KANK1: variants seen among roughly 807,000 people sequenced by gnomAD.
The protein encoded by KANK1 is KN motif and ankyrin repeat domains 1, also known as KN motif and ankyrin repeat domain-containing protein 1.
Under a neutral mutation model 106.2 loss-of-function variants are expected in KANK1, and 109 were observed. The observed-to-expected ratio is 1.03, with a 90% CI of 0.88 to 1.20. The LOEUF (loss-of-function observed/expected upper bound fraction) is 1.20. KANK1 is among the 50% of genes most tolerant of loss of function. KANK1 has a pLI of 0.00. For synonymous variants in KANK1, 873 were observed against 652.2 expected, an observed-to-expected ratio of 1.34 and a Z score of -5.16; for missense variants, 2,399 against 1,710.7, an observed-to-expected ratio of 1.40 and a Z score of -7.10.
intron 1 of KANK1, among the ~76,000 whole-genome samples, chr9:629,776 AGAG>A (rs1835231824): frequency 6.6e-6 from 1 of 152,198 alleles, no homozygotes; most frequent in Non-Finnish European, 1.5e-5. Flanking sequence ...AACAAAGTAG[AGAG>A]GAGAATTAGA....
intron 1 of KANK1, among the ~76,000 whole-genome samples, chr9:577,229 C>T (rs1587965608): frequency 3.3e-5 from 5 of 152,312 alleles, no homozygotes; most frequent in South Asian, 2.1e-4. Flanking sequence ...TATTTGGCCC[C>T]GCCCACGTCC....
intron 1 of KANK1, among the ~76,000 whole-genome samples, chr9:652,989 C>T (rs1030058074): frequency 1.3e-5 from 2 of 152,184 alleles, no homozygotes; most frequent in Non-Finnish European, 2.9e-5. Context: ...CTGAATAGTC[C>T]TCACTGTGCC....
chr9:636,527 G>A (rs1414253563), intron 1 of KANK1, among the ~76,000 whole-genome samples: 3 of 152,108 alleles, frequency 2.0e-5, no homozygotes, highest in Non-Finnish European at 4.4e-5. Context: ...AGTCCGAAAC[G>A]TTGTCCACTT....
At chr9:548,859 G>C (rs2061097349) in intron 1 of KANK1, among the ~76,000 whole-genome samples, 1 of 152,074 alleles carries the variant, frequency 6.6e-6, no homozygotes, top group Non-Finnish European at 1.5e-5. Flanking sequence ...TGGGAGGATT[G>C]CTTGAGTCCA....
upstream of KANK1, among the ~76,000 whole-genome samples, chr9:502,998 CTGATT>C: frequency 7.7e-6 from 1 of 129,612 alleles, no homozygotes; most frequent in South Asian, 2.5e-4. Context: ...TCGCGCCCAG[CTGATT>C]TTTTTTTTTT....
intron 3 of KANK1, among the ~76,000 whole-genome samples, chr9:724,340 T>C (rs1830128748): frequency 6.6e-6 from 1 of 152,204 alleles, no homozygotes; most frequent in Admixed American, 6.5e-5. Flanking sequence ...TTCTAATCAT[T>C]GTTGAAGCTA....
intron 1 of KANK1, among the ~76,000 whole-genome samples, chr9:517,841 T>C (rs1928416): frequency 0.27 from 40,216 of 149,560 alleles, 10,348 homozygotes; most frequent in African/African-American, 0.67. Flanking sequence ...CAGGTTCAAG[T>C]AGTTCTCCCG....
intron 1 of KANK1, among the ~76,000 whole-genome samples, chr9:591,346 C>A (rs912901717): frequency 6.6e-6 from 1 of 151,686 alleles, no homozygotes; most frequent in Non-Finnish European, 1.5e-5. Flanking sequence ...ATTTGTTGCC[C>A]ATTGTCAGTT....
At chr9:710,744 T>G (rs190657503) in intron 2 of KANK1, 60 bp from the exon 3 acceptor site, 5 of 1,464,048 alleles carry the variant, frequency 3.4e-6, no homozygotes, top group South Asian at 2.8e-5. Context: ...AACACAAATA[T>G]TAGTTTTTAC....
intron 1 of KANK1, among the ~76,000 whole-genome samples, chr9:562,421 AC>A (rs912255941): frequency 6.6e-6 from 1 of 152,222 alleles, no homozygotes; most frequent in African/African-American, 2.4e-5. Flanking sequence ...ATGGGAACGG[AC>A]AAAAAGCTGC....
chr9:516,552 G>A (rs1377971421), intron 1 of KANK1, among the ~76,000 whole-genome samples: 1 of 151,626 alleles, frequency 6.6e-6, no homozygotes, highest in Admixed American at 6.6e-5. Flanking sequence ...TCAGTGGGGA[G>A]GGAAGGGGAG....
chr9:542,543 G>C (rs7043674), intron 1 of KANK1, among the ~76,000 whole-genome samples: 72,175 of 152,020 alleles, frequency 0.47, 19,781 homozygotes, highest in East Asian at 0.79. Context: ...ATATGATCCA[G>C]CAATCCTACT....
chr9:511,549 AAACCAACTCT>A (rs1258797084), intron 1 of KANK1, among the ~76,000 whole-genome samples: 106 of 148,720 alleles, frequency 7.1e-4, no homozygotes, highest in African/African-American at 2.7e-3. Context: ...GAATGAGTTA[AAACCAACTCT>A]GTTGGTTGAG....
chr9:539,140 C>T (rs746089785), intron 1 of KANK1, among the ~76,000 whole-genome samples: 1 of 152,194 alleles, frequency 6.6e-6, no homozygotes, highest in African/African-American at 2.4e-5. Context: ...CTCGGCCTCC[C>T]TAAGTGCTGG....
intron 2 of KANK1, among the ~76,000 whole-genome samples, chr9:685,166 G>A (rs992158650): frequency 2.0e-5 from 3 of 152,160 alleles, no homozygotes; most frequent in Non-Finnish European, 4.4e-5. Flanking sequence ...TTCTGCTTTT[G>A]AGCTGCAGTT....
At chr9:656,267 G>A (rs1459738914) in intron 1 of KANK1, among the ~76,000 whole-genome samples, 1 of 152,200 alleles carries the variant, frequency 6.6e-6, no homozygotes, top group African/African-American at 2.4e-5. Context: ...TTCAGAAGGA[G>A]AGAGGGAGAG....
intron 2 of KANK1, among the ~76,000 whole-genome samples, chr9:687,476 T>C (rs1026260913): frequency 6.6e-6 from 1 of 152,210 alleles, no homozygotes; most frequent in Non-Finnish European, 1.5e-5. Context: ...TCAGTTCTTG[T>C]GTCTGTAAAA....
chr9:583,505 G>A (rs1011507496), intron 1 of KANK1, among the ~76,000 whole-genome samples: 2 of 151,982 alleles, frequency 1.3e-5, no homozygotes, highest in African/African-American at 4.8e-5. Flanking sequence ...GAAACGAATT[G>A]TAATACACAT....
chr9:628,525 G>T (rs1485557161), intron 1 of KANK1, among the ~76,000 whole-genome samples: 1 of 152,128 alleles, frequency 6.6e-6, no homozygotes, highest in African/African-American at 2.4e-5. Context: ...GCCTCTGCTC[G>T]TCACTTGAGG....
Sources: allele counts gnomAD v4.1 joint callset (sites outside exome capture counted in the v4.1 genomes callset), GRCh38; gene constraint gnomAD v4.1.1; transcripts MANE v1.5; gene names NCBI Gene and HGNC (gene_info 2026-07-23, HGNC 2026-07-21).